EYS: variants seen among roughly 807,000 people sequenced by gnomAD.
The protein encoded by EYS is protein eyes shut homolog.
EYS carries 250 observed loss-of-function variants against 282.1 expected under a neutral mutation model. The ratio of observed to expected loss-of-function variants is 0.89; its 90% CI spans 0.80 to 0.98. The LOEUF is 0.98. EYS is among the 50% of genes least tolerant of loss of function. EYS has a pLI of 0.00. For missense variants in EYS, 4,016 were observed against 3,709.0 expected (o/e 1.08, Z -2.15); for synonymous variants, 1,355 against 1,282.9 (o/e 1.06, Z -1.20).
chr6:65,648,227 C>T (rs1331248074), intron 1 of EYS, among the ~76,000 whole-genome samples: 2 of 151,976 alleles, frequency 1.3e-5, no homozygotes, highest in East Asian at 1.9e-4. Context: ...TACTTGCACG[C>T]ACATGTTTAT....
At chr6:65,347,295 G>A (rs1038510326) in intron 9 of EYS, among the ~76,000 whole-genome samples, 8 of 151,652 alleles carry the variant, frequency 5.3e-5, no homozygotes, top group African/African-American at 1.7e-4. Flanking sequence ...TACTCTCTGT[G>A]TCTTCGTATG....
chr6:64,617,311 A>C, intron 24 of EYS, 107 bp downstream of exon 24: 1 of 737,372 alleles, frequency 1.4e-6, no homozygotes, highest in Non-Finnish European at 2.4e-6. Context: ...AGATGCGCTG[A>C]AGATTAACTA....
chr6:64,238,689 A>G (rs1766690461), intron 30 of EYS, among the ~76,000 whole-genome samples: 1 of 152,156 alleles, frequency 6.6e-6, no homozygotes, highest in Admixed American at 6.6e-5. Context: ...AAACTACACC[A>G]TCAATTATTT....
At chr6:63,792,392 C>T (rs956246922) in intron 37 of EYS, among the ~76,000 whole-genome samples, 2 of 152,080 alleles carry the variant, frequency 1.3e-5, no homozygotes, top group East Asian at 3.9e-4. Context: ...CTGTCACAGC[C>T]GGTACCTAGA....
chr6:64,839,021 C>T (rs1765479222), intron 19 of EYS, among the ~76,000 whole-genome samples: 3 of 151,936 alleles, frequency 2.0e-5, no homozygotes, highest in Admixed American at 1.3e-4. Flanking sequence ...TTAATTTTAC[C>T]TACTTCTCAA....
intron 26 of EYS, among the ~76,000 whole-genome samples, chr6:64,470,182 T>C (rs1268653671): frequency 6.6e-6 from 1 of 152,134 alleles, no homozygotes. Context: ...CCCAGTTGTC[T>C]TTTCTCTCTT....
intron 30 of EYS, among the ~76,000 whole-genome samples, chr6:64,267,782 A>G (rs982469029): frequency 3.3e-5 from 5 of 152,104 alleles, no homozygotes; most frequent in Admixed American, 3.3e-4. Flanking sequence ...AACACAGAAA[A>G]GGAATATGGA....
At chr6:64,959,019 A>G (rs999817404) in intron 14 of EYS, among the ~76,000 whole-genome samples, 2 of 152,122 alleles carry the variant, frequency 1.3e-5, no homozygotes, top group Admixed American at 1.3e-4. Context: ...ATGGTTAGCC[A>G]TTATGATTTT....
At chr6:65,293,953 A>T (rs963973111) in intron 12 of EYS, among the ~76,000 whole-genome samples, 1 of 151,888 alleles carries the variant, frequency 6.6e-6, no homozygotes, top group African/African-American at 2.4e-5. Flanking sequence ...ATGCCTTCAG[A>T]AAGCACATGA....
chr6:65,319,676 T>G (rs966977627), intron 11 of EYS, among the ~76,000 whole-genome samples: 1 of 152,192 alleles, frequency 6.6e-6, no homozygotes, highest in African/African-American at 2.4e-5. Context: ...AAGTATTTGT[T>G]GAATCAGTGA....
intron 14 of EYS, among the ~76,000 whole-genome samples, chr6:64,980,824 T>C (rs1244897803): frequency 6.6e-6 from 1 of 151,324 alleles, no homozygotes; most frequent in African/African-American, 2.4e-5. Context: ...TTCCATTTCA[T>C]TTAAAAATAC....
At chr6:63,894,284 G>C (rs1044137605) in intron 35 of EYS, among the ~76,000 whole-genome samples, 3 of 152,146 alleles carry the variant, frequency 2.0e-5, no homozygotes, top group African/African-American at 7.2e-5. Flanking sequence ...GACCATCCTG[G>C]ATTAGGGTGG....
At chr6:64,766,923 C>T (rs73448434) in intron 22 of EYS, among the ~76,000 whole-genome samples, 1,768 of 151,232 alleles carry the variant, frequency 0.012, 41 homozygotes, top group African/African-American at 0.041. Flanking sequence ...AGGTTCAGTA[C>T]AGTAAAAGAA....
chr6:65,602,833 C>A (rs1765657822), intron 2 of EYS, among the ~76,000 whole-genome samples: 1 of 151,884 alleles, frequency 6.6e-6, no homozygotes. Context: ...AGTGATAACT[C>A]CATGGCGTGA....
chr6:65,375,822 T>C (rs891326840), intron 8 of EYS, among the ~76,000 whole-genome samples: 1 of 151,588 alleles, frequency 6.6e-6, no homozygotes, highest in Non-Finnish European at 1.5e-5. Context: ...GAAGACAAGA[T>C]TACAACAAAC....
intron 30 of EYS, among the ~76,000 whole-genome samples, chr6:64,292,090 C>A (rs1373555259): frequency 1.3e-5 from 2 of 152,060 alleles, no homozygotes; most frequent in Non-Finnish European, 2.9e-5. Context: ...CAGTAGTAAG[C>A]AACACAGCTG....
chr6:64,696,286 G>T (rs1309710401), intron 22 of EYS, among the ~76,000 whole-genome samples: 16 of 152,088 alleles, frequency 1.1e-4, no homozygotes, highest in Admixed American at 1.0e-3. Context: ...GTGAAAACAA[G>T]TCTTTTGACT....
chr6:64,580,486 T>C (rs142032162), intron 26 of EYS, among the ~76,000 whole-genome samples: 21 of 152,256 alleles, frequency 1.4e-4, no homozygotes, highest in African/African-American at 4.8e-4. Context: ...CTATGAGCAC[T>C]GAAGTGCAGA....
intron 36 of EYS, among the ~76,000 whole-genome samples, chr6:63,827,337 T>C (rs1420246907): frequency 5.3e-5 from 8 of 152,172 alleles, no homozygotes; most frequent in Non-Finnish European, 1.2e-4. Context: ...GGGACTTCAA[T>C]ACTCCACTGG....
Sources: gnomAD v4.1 joint callset for allele counts (sites outside exome capture counted in the v4.1 genomes callset) on GRCh38, gnomAD v4.1.1 for gene constraint, MANE v1.5 for transcripts, NCBI Gene and HGNC (gene_info 2026-07-23, HGNC 2026-07-21) for gene names.